ANKRD18B: variants seen among roughly 807,000 people sequenced by gnomAD.
ANKRD18B encodes ankyrin repeat domain-containing protein 18B.
A neutral mutation model predicts 111.8 loss-of-function variants in ANKRD18B; 75 were observed. The observed-to-expected ratio is 0.67, with a 90% confidence interval of 0.56 to 0.81. The LOEUF is 0.81. Among genes scored for constraint, ANKRD18B ranks in the 40% least tolerant of loss-of-function variants. The pLI is 0.00. For synonymous variants in ANKRD18B, 356 were observed against 417.3 expected (o/e 0.85, Z 1.79); for missense variants, 1,038 against 1,225.5 (o/e 0.85, Z 2.28).
At chr9:33,524,765 G>T in intron 1 of ANKRD18B, 70 bp downstream of exon 1, 1 of 1,495,318 alleles carries the variant, frequency 6.7e-7, no homozygotes, top group Non-Finnish European at 8.9e-7. Flanking sequence ...CTGAGGCGGG[G>T]TCGTCGGAGT....
At chr9:33,573,134 G>A (rs752255502), downstream of ANKRD18B, 31 of 1,327,396 alleles carry the variant, frequency 2.3e-5, no homozygotes, top group East Asian at 2.9e-5. Context: ...GGCACAAGGT[G>A]TTCTAAACTA....
intron 13 of ANKRD18B, among the ~76,000 whole-genome samples, 183 bp from the exon 14 acceptor site, chr9:33,557,875 A>C (rs1828550125): frequency 6.6e-6 from 1 of 152,094 alleles, no homozygotes; most frequent in South Asian, 2.1e-4. Context: ...ATTGTTCTTC[A>C]TATTATTTAT....
At chr9:33,573,076 G>A (rs1336249217), downstream of ANKRD18B, 7 of 897,978 alleles carry the variant, frequency 7.8e-6, no homozygotes, top group Non-Finnish European at 1.0e-5. Flanking sequence ...CTGACTTTAT[G>A]TCTTTTTGAT....
chr9:33,546,915 A>G (rs1450961089), intron 10 of ANKRD18B, among the ~76,000 whole-genome samples: 1 of 152,130 alleles, frequency 6.6e-6, no homozygotes, highest in Non-Finnish European at 1.5e-5. Flanking sequence ...AGGATTCCAC[A>G]CTAGAAACTC....
intron 16 of ANKRD18B, among the ~76,000 whole-genome samples, chr9:33,567,800 A>G (rs919045145): frequency 1.9e-4 from 29 of 152,198 alleles, no homozygotes; most frequent in African/African-American, 6.8e-4. Flanking sequence ...ACTAGAGGGT[A>G]CCTCAAGAAA....
intron 11 of ANKRD18B, among the ~76,000 whole-genome samples, chr9:33,550,000 G>A (rs510990): frequency 6.6e-6 from 1 of 152,120 alleles, no homozygotes; most frequent in Non-Finnish European, 1.5e-5. Context: ...CAGAGTTCAC[G>A]GAGAGTGGGA....
chr9:33,551,505 T>G lies in ANKRD18B; in HGVS notation c.2217+926T>G, dbSNP rs539515751. Among the ~76,000 whole-genome samples, 4 of 152,286 alleles carry G rather than the reference T, an allele frequency of 2.6e-5. No individual in the cohort carries two copies. The East Asian group carries it at 7.7e-4, about 29-fold the overall frequency. ...TATTTAAATACATAGAGTCATACAA[T>G]ATGAAGTCCTTTCTGACTGGCTCTT... On this transcript the variant is annotated intron_variant, in intron 12 of 18. Coordinates refer to ENST00000684830, the MANE Select transcript of ANKRD18B (RefSeq NM_001393611.1).
At chr9:33,550,178 T>G (rs1271434815) in intron 11 of ANKRD18B, among the ~76,000 whole-genome samples, 3 of 152,152 alleles carry the variant, frequency 2.0e-5, no homozygotes, top group Non-Finnish European at 4.4e-5. Context: ...TCAGGTTGAG[T>G]TGAGGGTCTA....
rs2118027302 is a variant in ANKRD18B at position 33,541,128 on chromosome 9, A to T, written c.998-19A>T. The T allele has an allele frequency of 6.5e-7, 1 of 1,539,606 alleles. No homozygotes were observed. Among genetic ancestry groups the T allele is most frequent in the East Asian group, 2.4e-5 (1 of 40,856 alleles). On this transcript the variant is annotated intron_variant, in intron 8 of 18. Transcript: ENST00000684830. ...ATGTTTTCCAGAAGGAATATCTAAC[A>T]AGTTTGCGTGTTTGACAGAAACAGC...
chr9:33,565,490 G>T (rs2380778), intron 14 of ANKRD18B, among the ~76,000 whole-genome samples: 1 of 152,206 alleles, frequency 6.6e-6, no homozygotes, highest in Non-Finnish European at 1.5e-5. Context: ...TTTGAGATAT[G>T]GTCTTTGTCT....
At chr9:33,562,455 C>T (rs1442031431) in intron 14 of ANKRD18B, among the ~76,000 whole-genome samples, 1 of 152,094 alleles carries the variant, frequency 6.6e-6, no homozygotes, top group East Asian at 1.9e-4. Context: ...TTTACTGAAA[C>T]AGAGATGCAC....
downstream of ANKRD18B, among the ~76,000 whole-genome samples, chr9:33,575,002 C>G (rs186378654): frequency 2.6e-5 from 4 of 152,194 alleles, no homozygotes; most frequent in Non-Finnish European, 5.9e-5. Context: ...ACACAGCTGA[C>G]TGCTCAGACT....
chr9:33,526,934 T>C (rs530122802), intron 1 of ANKRD18B, among the ~76,000 whole-genome samples: 5 of 152,318 alleles, frequency 3.3e-5, no homozygotes, highest in African/African-American at 1.2e-4. Flanking sequence ...ATTCTATCAA[T>C]CCATTTATTC....
At position 33,524,781 on chromosome 9, in the gene ANKRD18B, G is replaced by C. The variant is rs961500810; in HGVS notation, c.206+86G>C. ...TGAGGCGGGGTCGTCGGAGTTCGCCGGGACCCTGGGAGCCGCGGAGCCAAA... is the reference window on the plus strand; with the variant it reads ...TGAGGCGGGGTCGTCGGAGTTCGCCCGGACCCTGGGAGCCGCGGAGCCAAA... On this transcript the variant is annotated intron_variant, in intron 1 of 18. Transcript: ENST00000684830. 19 of 1,445,542 alleles carry C rather than the reference G, an allele frequency of 1.3e-5. No homozygotes were observed. The South Asian group carries it at 1.7e-4, about 13-fold the overall frequency. 89.5% of individuals were successfully genotyped at this position (1,445,542 alleles called of 1,614,324 possible).
downstream of ANKRD18B, chr9:33,573,377 T>G (rs566783150): frequency 6.6e-5 from 59 of 892,956 alleles, 2 homozygotes; most frequent in East Asian, 4.7e-3. Context: ...TTGATTAGTC[T>G]CTCTGCAGCC....
chr9:33,558,571 C>G (rs1828561591), intron 14 of ANKRD18B, among the ~76,000 whole-genome samples: 1 of 152,084 alleles, frequency 6.6e-6, no homozygotes, highest in South Asian at 2.1e-4. Context: ...TGTATATACA[C>G]CACATTTTTT....
chr9:33,564,116 C>T (rs1375172167), intron 14 of ANKRD18B, among the ~76,000 whole-genome samples: 1 of 152,162 alleles, frequency 6.6e-6, no homozygotes, highest in Non-Finnish European at 1.5e-5. Context: ...TGGGCGTGCA[C>T]CATTGCACCT....
At position 33,548,501 on chromosome 9, in the gene ANKRD18B, G is replaced by T; in HGVS notation, c.1713G>T (p.Lys571Asn). ...LRETRDALREKTLALESVQLD... is the reference protein window; with the variant it reads ...LRETRDALRENTLALESVQLD... ...AGACAAGAGATGCTCTCAGGGAAAA[G>T]ACATTGGCTTTAGAAAGTGTACAGC... The change falls in exon 11 of 19, where the codon AAG (lysine) becomes AAT (asparagine). Residue 571 changes from lysine (K) to asparagine (N), a missense_variant. Coordinates refer to ENST00000684830, the MANE Select transcript of ANKRD18B (RefSeq NM_001393611.1). 3.2e-6 allele frequency: 5 copies of T among 1,551,176 alleles called. No individual in the cohort carries two copies. Among genetic ancestry groups the T allele is most frequent in the Non-Finnish European group, 4.4e-6 (5 of 1,146,676 alleles).
In ANKRD18B at chr9:33,567,317, A is replaced by G. The variant is rs1231966034; in HGVS notation, c.2954+3A>G. 1 of 1,538,144 alleles carries G rather than the reference A, an allele frequency of 6.5e-7. No individual in the cohort carries two copies. Among genetic ancestry groups the G allele is most frequent in the Non-Finnish European group, 8.7e-7 (1 of 1,143,214 alleles). ...TCCATGTCAGAAAAAATAACGAAGT[A>G]AGTCAAAACATATACTCATAGAAAA... On this transcript the variant is annotated splice_donor_region_variant and intron_variant, in intron 16 of 18. Coordinates refer to ENST00000684830, the MANE Select transcript of ANKRD18B (RefSeq NM_001393611.1).
Sources: allele counts gnomAD v4.1 joint callset (sites outside exome capture counted in the v4.1 genomes callset), GRCh38; gene constraint gnomAD v4.1.1; transcripts MANE v1.5; gene names NCBI Gene and HGNC (gene_info 2026-07-23, HGNC 2026-07-21).